The following SEL1L2 variants were observed in gnomAD, a reference collection of about 807,000 sequenced individuals.
The protein encoded by SEL1L2 is protein sel-1 homolog 2.
In SEL1L2, 89 loss-of-function variants were observed where a neutral mutation model predicts 98.8. The ratio of observed to expected loss-of-function variants is 0.90; its 90% CI spans 0.76 to 1.07. SEL1L2 has a LOEUF of 1.07. SEL1L2 is among the 50% of genes least tolerant of loss of function. The pLI is 0.00. For synonymous variants in SEL1L2, 262 were observed against 278.5 expected (o/e 0.94, Z 0.59); for missense variants, 788 against 812.0 (o/e 0.97, Z 0.36).
chr20:13,870,238 G>A (rs1170726764), intron 12 of SEL1L2, 35 bp from the exon 13 acceptor site: 1 of 1,527,190 alleles, frequency 6.5e-7, no homozygotes, highest in Non-Finnish European at 9.0e-7. Context: ...TAAAGTCCCA[G>A]AAGAATTCAT....
Position 13,850,394 on chromosome 20 carries a change from A to G in SEL1L2, c.1819-75T>C, listed in dbSNP as rs945592400. 4.6e-6 allele frequency: 7 copies of G among 1,513,074 alleles called. No individual in the cohort carries two copies. In the Admixed American group the frequency reaches 1.2e-4, roughly 26 times the overall value. The allele number at this position is 1,513,074 out of a possible 1,614,324, so 93.7% of individuals were successfully genotyped here. On this transcript the variant is annotated intron_variant, in intron 18 of 19. Coordinates refer to ENST00000284951, the MANE Select transcript of SEL1L2 (RefSeq NM_025229.2). ...AACAGACACCATTGTTCACAATATC[A>G]AATGTAATTAAGGTTACAGGTCTTA...
At chr20:13,965,608 G>T (rs891931165) in intron 1 of SEL1L2, among the ~76,000 whole-genome samples, 2 of 152,096 alleles carry the variant, frequency 1.3e-5, no homozygotes, top group African/African-American at 4.8e-5. Context: ...TCTACCCTTA[G>T]AATAATTTTC....
At chr20:13,865,941 G>C (rs6134999) in intron 15 of SEL1L2, among the ~76,000 whole-genome samples, 4,953 of 151,982 alleles carry the variant, frequency 0.033, 170 homozygotes, top group South Asian at 0.18. Flanking sequence ...GAGAATGAAG[G>C]AAAGACAGTG....
chr20:13,874,034 T>C (rs11905850), intron 12 of SEL1L2, among the ~76,000 whole-genome samples: 3,143 of 151,966 alleles, frequency 0.021, 107 homozygotes, highest in African/African-American at 0.072. Flanking sequence ...GAAGGGAGGA[T>C]TGGGCTCCGC....
intron 18 of SEL1L2, among the ~76,000 whole-genome samples, chr20:13,854,021 T>G (rs946372879): frequency 1.3e-5 from 2 of 152,260 alleles, no homozygotes; most frequent in African/African-American, 4.8e-5. Context: ...CTGCCATATT[T>G]CTGAGAGGGC....
intron 15 of SEL1L2, among the ~76,000 whole-genome samples, chr20:13,866,365 C>T (rs1165502148): frequency 2.6e-5 from 4 of 152,092 alleles, no homozygotes; most frequent in Admixed American, 2.6e-4. Context: ...CTTTTGGTTC[C>T]CAAGTAGCAA....
At chr20:13,912,093 G>A (rs986823849) in intron 5 of SEL1L2, among the ~76,000 whole-genome samples, 7 of 152,018 alleles carry the variant, frequency 4.6e-5, no homozygotes, top group African/African-American at 1.7e-4. Context: ...CAGTGAACGA[G>A]AAGGATGCGG....
At chr20:13,877,080 C>T (rs1387991968) in intron 11 of SEL1L2, among the ~76,000 whole-genome samples, 1 of 152,166 alleles carries the variant, frequency 6.6e-6, no homozygotes, top group Admixed American at 6.5e-5. Context: ...CTGCCTCAGC[C>T]TCCCAAAGTG....
At chr20:13,895,247 A>G (rs900683733) in intron 5 of SEL1L2, among the ~76,000 whole-genome samples, 1 of 152,210 alleles carries the variant, frequency 6.6e-6, no homozygotes, top group Non-Finnish European at 1.5e-5. Context: ...GTTTGAGACC[A>G]GCCTGGCCAA....
chr20:13,972,033 G>A (rs2051307212), intron 1 of SEL1L2, among the ~76,000 whole-genome samples: 1 of 151,994 alleles, frequency 6.6e-6, no homozygotes, highest in Admixed American at 6.6e-5. Context: ...GGTTGAGCAG[G>A]AACTTCTCTG....
At chr20:13,873,129 T>C (rs1379447944) in intron 12 of SEL1L2, among the ~76,000 whole-genome samples, 1 of 151,814 alleles carries the variant, frequency 6.6e-6, no homozygotes, top group East Asian at 1.9e-4. Flanking sequence ...TAGCTGGGAT[T>C]ACAGGCATGC....
At chr20:13,905,102 C>T (rs569382225) in intron 5 of SEL1L2, among the ~76,000 whole-genome samples, 20 of 152,152 alleles carry the variant, frequency 1.3e-4, no homozygotes, top group Admixed American at 2.0e-4. Flanking sequence ...TTTTACCAGC[C>T]TCAAATAATC....
chr20:13,923,818 C>T lies in SEL1L2; in HGVS notation c.284-4695G>A, dbSNP rs118121414. 9.4e-4 allele frequency among the ~76,000 whole-genome samples: 143 copies of T among 152,078 alleles called. 1 individual carries two copies. In the East Asian group the frequency reaches 0.024, roughly 25 times the overall value. ...TATTCTTTAATTATTGAATTAAATT[C>T]CATATATTATTAAATTGAGCTTTAT... is the stretch of plus-strand genomic sequence containing the variant. On this transcript the variant is annotated intron_variant, in intron 3 of 19. Transcript: ENST00000284951.
chr20:13,939,271 C>G, intron 2 of SEL1L2, among the ~76,000 whole-genome samples: 1 of 151,812 alleles, frequency 6.6e-6, no homozygotes, highest in East Asian at 1.9e-4. Flanking sequence ...TCTTGAACCC[C>G]TGACTTTGTG....
chr20:13,864,789 A>G (rs1990735056), intron 17 of SEL1L2, among the ~76,000 whole-genome samples: 1 of 152,078 alleles, frequency 6.6e-6, no homozygotes, highest in Admixed American at 6.6e-5. Context: ...TTGCTTGTAA[A>G]CTCATTGAGA....
intron 2 of SEL1L2, among the ~76,000 whole-genome samples, chr20:13,950,284 T>C (rs946060910): frequency 1.3e-5 from 2 of 152,074 alleles, no homozygotes; most frequent in South Asian, 2.1e-4. Context: ...TTAGCACTAC[T>C]GAGCTGTACA....
At chr20:13,926,634 T>C (rs899495021) in intron 3 of SEL1L2, among the ~76,000 whole-genome samples, 1 of 152,210 alleles carries the variant, frequency 6.6e-6, no homozygotes, top group Non-Finnish European at 1.5e-5. Context: ...AGAGACTGAC[T>C]GCCAAAGGCT....
chr20:13,931,383 T>G (rs915610129), intron 3 of SEL1L2, among the ~76,000 whole-genome samples: 5 of 151,918 alleles, frequency 3.3e-5, no homozygotes, highest in African/African-American at 1.2e-4. Flanking sequence ...GCCAAGATCA[T>G]GCAGCTGCAC....
intron 5 of SEL1L2, among the ~76,000 whole-genome samples, chr20:13,901,286 G>A (rs1185277005): frequency 1.3e-5 from 2 of 151,930 alleles, no homozygotes; most frequent in Non-Finnish European, 2.9e-5. Flanking sequence ...TAGCCAGGAT[G>A]GTCTCGATTT....
Sources: allele counts gnomAD v4.1 joint callset (sites outside exome capture counted in the v4.1 genomes callset), GRCh38; gene constraint gnomAD v4.1.1; transcripts MANE v1.5; gene names NCBI Gene and HGNC (gene_info 2026-07-23, HGNC 2026-07-21).